The following SEMA3E variants were observed in gnomAD, a reference collection of about 807,000 sequenced individuals.
SEMA3E encodes the protein semaphorin-3E.
A neutral mutation model predicts 93.6 loss-of-function variants in SEMA3E; 49 were observed. The ratio of observed to expected loss-of-function variants is 0.52; its 90% CI spans 0.42 to 0.66. The LOEUF (loss-of-function observed/expected upper bound fraction) is 0.66. Among genes scored for constraint, SEMA3E ranks in the 30% least tolerant of loss-of-function variants. The pLI, the probability that SEMA3E is intolerant of heterozygous loss-of-function variation, is 0.00. For synonymous variants in SEMA3E, 363 were observed against 330.7 expected, an observed-to-expected ratio of 1.10 and a Z score of -1.06; for missense variants, 906 against 964.8, an observed-to-expected ratio of 0.94 and a Z score of 0.81.
intron 2 of SEMA3E, among the ~76,000 whole-genome samples, chr7:83,477,589 T>A (rs558611068): frequency 3.8e-4 from 58 of 152,110 alleles, no homozygotes; most frequent in Non-Finnish European, 6.5e-4. Flanking sequence ...TAGACAAAAT[T>A]TGTATTTTAA....
intron 3 of SEMA3E, among the ~76,000 whole-genome samples, chr7:83,468,124 A>T (rs2115886904): frequency 6.6e-6 from 1 of 152,278 alleles, no homozygotes; most frequent in Admixed American, 6.5e-5. Flanking sequence ...TCTATCCTAT[A>T]ACAGTATTAG....
chr7:83,493,645 T>C (rs898118331), intron 1 of SEMA3E, among the ~76,000 whole-genome samples: 36 of 151,972 alleles, frequency 2.4e-4, no homozygotes, highest in African/African-American at 8.4e-4. Flanking sequence ...CTCTCTACCC[T>C]GACCAATGCC....
chr7:83,481,861 A>G (rs961654557), intron 2 of SEMA3E, among the ~76,000 whole-genome samples: 1 of 152,198 alleles, frequency 6.6e-6, no homozygotes, highest in Non-Finnish European at 1.5e-5. Context: ...GCATATTCAT[A>G]TAAGTTCTGG....
At chr7:83,600,480 C>T (rs866495076) in intron 1 of SEMA3E, among the ~76,000 whole-genome samples, 3 of 136,002 alleles carry the variant, frequency 2.2e-5, no homozygotes, top group African/African-American at 2.7e-5. Flanking sequence ...CCACCACGCC[C>T]AGCTAATTTT....
chr7:83,440,516 T>C (rs1383147955), intron 4 of SEMA3E, among the ~76,000 whole-genome samples: 1 of 152,190 alleles, frequency 6.6e-6, no homozygotes, highest in African/African-American at 2.4e-5. Flanking sequence ...AAATAAACTT[T>C]CTTAGATTCA....
intron 3 of SEMA3E, among the ~76,000 whole-genome samples, chr7:83,467,157 C>G (rs10279934): frequency 0.019 from 2,909 of 149,994 alleles, 58 homozygotes; most frequent in African/African-American, 0.048. Context: ...CTCGCATTCC[C>G]AGGCTCAAGT....
At chr7:83,390,616 C>T (rs1787999378) in intron 14 of SEMA3E, among the ~76,000 whole-genome samples, 1 of 152,096 alleles carries the variant, frequency 6.6e-6, no homozygotes, top group Non-Finnish European at 1.5e-5. Flanking sequence ...CAAAAATGAT[C>T]TGCTATAAAA....
At chr7:83,407,425 C>T (rs1788351324) in intron 6 of SEMA3E, among the ~76,000 whole-genome samples, 186 bp from the exon 7 acceptor site, 1 of 151,982 alleles carries the variant, frequency 6.6e-6, no homozygotes, top group Non-Finnish European at 1.5e-5. Context: ...ACTTTATTTG[C>T]ATATTAACAG....
At chr7:83,514,204 C>T (rs779434246) in intron 1 of SEMA3E, among the ~76,000 whole-genome samples, 1 of 152,042 alleles carries the variant, frequency 6.6e-6, no homozygotes, top group Non-Finnish European at 1.5e-5. Flanking sequence ...ATAATCCACC[C>T]CTTGTTTAGC....
intron 1 of SEMA3E, among the ~76,000 whole-genome samples, chr7:83,627,628 C>CTTTTT (rs746550123): frequency 1.1e-3 from 73 of 65,336 alleles, no homozygotes; most frequent in Admixed American, 2.0e-3. Context: ...GCAACCCCTG[C>CTTTTT]TTTTTTTTTT....
rs942594769 is a variant in SEMA3E at position 83,530,689 on chromosome 7, C to G, written c.116-40415G>C. On this transcript the variant is annotated intron_variant, in intron 1 of 16. Coordinates refer to ENST00000643230, the MANE Select transcript of SEMA3E (RefSeq NM_012431.3). ...GTCAGGAGTTCGAGACCAGCCTGACCAAAATGGTGAAACCCCATCTCTACT... is the reference window on the plus strand; with the variant it reads ...GTCAGGAGTTCGAGACCAGCCTGACGAAAATGGTGAAACCCCATCTCTACT... Among the ~76,000 whole-genome samples the G allele has an allele frequency of 5.3e-5, 8 of 152,164 alleles. No homozygotes were observed. In the East Asian group the frequency reaches 1.5e-3, roughly 29 times the overall value.
Position 83,366,758 on chromosome 7 carries a change from A to G in SEMA3E, c.*828T>C, listed in dbSNP as rs1378103470. ...GATAATCTGCTTTCAAATCTTTCCT[A>G]AACAGATATCCGTCTGTAGAGAAAA... On this transcript the variant is annotated 3_prime_UTR_variant, in exon 17 of 17. Transcript: ENST00000643230. 1 of 152,152 alleles carries G rather than the reference A, an allele frequency of 6.6e-6. No homozygotes were observed. Among genetic ancestry groups the G allele is most frequent in the South Asian group, 2.1e-4 (1 of 4,834 alleles). The allele number at this position is 152,152 out of a possible 1,614,324, so 9.4% of individuals were successfully genotyped here. A position where few individuals can be genotyped will look rare whatever the true frequency, so the allele number is the denominator to read the frequency against.
At chr7:83,581,518 G>T (rs985017327) in intron 1 of SEMA3E, among the ~76,000 whole-genome samples, 1 of 151,916 alleles carries the variant, frequency 6.6e-6, no homozygotes, top group Non-Finnish European at 1.5e-5. Context: ...TATTTAACTG[G>T]TATATAGCAT....
At chr7:83,542,735 A>C (rs1791562733) in intron 1 of SEMA3E, among the ~76,000 whole-genome samples, 1 of 152,174 alleles carries the variant, frequency 6.6e-6, no homozygotes, top group Non-Finnish European at 1.5e-5. Context: ...ACTTGGTCTT[A>C]TAATCAGCTA....
chr7:83,466,791 T>G (rs1040280061), intron 3 of SEMA3E, among the ~76,000 whole-genome samples, 190 bp from the exon 4 acceptor site: 1 of 152,140 alleles, frequency 6.6e-6, no homozygotes, highest in Non-Finnish European at 1.5e-5. Flanking sequence ...TGAAACACAT[T>G]TTGGTTAGCA....
intron 1 of SEMA3E, among the ~76,000 whole-genome samples, chr7:83,568,551 G>T (rs1202671106): frequency 6.6e-6 from 1 of 152,090 alleles, no homozygotes; most frequent in Non-Finnish European, 1.5e-5. Flanking sequence ...TTATCCCAAG[G>T]ATGCAAGGAT....
intron 1 of SEMA3E, among the ~76,000 whole-genome samples, chr7:83,630,475 G>A (rs1483414663): frequency 6.6e-6 from 1 of 152,088 alleles, no homozygotes; most frequent in Non-Finnish European, 1.5e-5. Flanking sequence ...TATACTGATA[G>A]CAAATGGAAA....
chr7:83,429,372 A>C (rs1360715963), intron 4 of SEMA3E, among the ~76,000 whole-genome samples: 1 of 152,040 alleles, frequency 6.6e-6, no homozygotes, highest in Non-Finnish European at 1.5e-5. Context: ...AAGTGACCTA[A>C]CTTTATGCCA....
rs73708520 is a variant in SEMA3E at position 83,648,570 on chromosome 7, G to T, written c.-28C>A. ...TGCCGTGTTCACCGTCCAAGCCCTC[G>T]CTCCTCACTTTAAGGAGGGTCTGAG... On this transcript the variant is annotated 5_prime_UTR_variant, in exon 1 of 17. Coordinates refer to ENST00000643230, the MANE Select transcript of SEMA3E (RefSeq NM_012431.3). 3.3e-4 allele frequency: 515 copies of T among 1,548,768 alleles called. 1 individual carries two copies. The African/African-American group carries it at 5.7e-3, about 17-fold the overall frequency.
Sources: gnomAD v4.1 joint callset for allele counts (sites outside exome capture counted in the v4.1 genomes callset) on GRCh38, gnomAD v4.1.1 for gene constraint, MANE v1.5 for transcripts, NCBI Gene and HGNC (gene_info 2026-07-23, HGNC 2026-07-21) for gene names.